NRG1: variants seen among roughly 807,000 people sequenced by gnomAD.
NRG1 encodes neuregulin 1, also known as pro-neuregulin-1, membrane-bound isoform.
In NRG1, 18 loss-of-function variants were observed where a neutral mutation model predicts 63.8. That is an observed-to-expected ratio of 0.28 (90% CI 0.19 to 0.42). The LOEUF (loss-of-function observed/expected upper bound fraction) is 0.42, where lower values mean the gene tolerates loss of function less well. Among genes scored for constraint, NRG1 ranks in the 10% least tolerant of loss-of-function variants. The pLI is 1.00. For missense variants in NRG1, 762 were observed against 814.7 expected, an observed-to-expected ratio of 0.94 and a Z score of 0.79; for synonymous variants, 302 against 301.3, an observed-to-expected ratio of 1.00 and a Z score of -0.02.
chr8:32,203,550 TG>T (rs1231159363), intron 1 of NRG1, among the ~76,000 whole-genome samples: 1 of 151,892 alleles, frequency 6.6e-6, no homozygotes, highest in Non-Finnish European at 1.5e-5. Flanking sequence ...TTAGTAGAGA[TG>T]GGATTTCACC....
At chr8:32,697,626 G>C (rs1455141327) in intron 5 of NRG1, among the ~76,000 whole-genome samples, 2 of 152,160 alleles carry the variant, frequency 1.3e-5, no homozygotes, top group African/African-American at 4.8e-5. Context: ...ATTAATTTTA[G>C]AGCCAGAAAG....
At chr8:32,325,478 C>T (rs758464936) in intron 1 of NRG1, among the ~76,000 whole-genome samples, 72 of 152,212 alleles carry the variant, frequency 4.7e-4, no homozygotes, top group Non-Finnish European at 6.6e-4. Flanking sequence ...AACTCTCAGG[C>T]TCAGGCCTTT....
chr8:32,556,386 GAGCAACT>G (rs1363824576), intron 1 of NRG1, among the ~76,000 whole-genome samples: 6 of 152,152 alleles, frequency 3.9e-5, no homozygotes, highest in African/African-American at 1.4e-4. Context: ...TAGAATGACA[GAGCAACT>G]AGCATTTTCC....
At chr8:31,851,498 G>A (rs899399619) in intron 1 of NRG1, among the ~76,000 whole-genome samples, 5 of 152,080 alleles carry the variant, frequency 3.3e-5, no homozygotes, top group African/African-American at 1.2e-4. Context: ...TACACTGAAA[G>A]GCATTTTATT....
intron 1 of NRG1, among the ~76,000 whole-genome samples, chr8:32,558,649 C>T (rs533760047): frequency 5.9e-5 from 9 of 152,112 alleles, no homozygotes; most frequent in African/African-American, 2.2e-4. Flanking sequence ...TGAGGCTCTT[C>T]TTGTCATTTT....
chr8:32,728,037 C>T (rs1231724318), exon 6 of NRG1: 1 of 1,614,066 alleles, frequency 6.2e-7, no homozygotes, highest in Admixed American at 1.7e-5. Flanking sequence ...GGGAGTGCTT[C>T]ATGGTGAAAG....
chr8:31,896,294 A>C lies in NRG1; in HGVS notation c.37+256863A>C, dbSNP rs115302950. 2.4e-3 allele frequency among the ~76,000 whole-genome samples: 367 copies of C among 152,340 alleles called. 3 individuals carry two copies. Among genetic ancestry groups the C allele is most frequent in the African/African-American group, 8.5e-3 (352 of 41,578 alleles). Reference sequence around the variant, plus strand: ...TGTGTGCTACCCACTTTCTGTGCAGAAATTTCAAGGAAAAGGAAATTAGGC... The same window carrying C: ...TGTGTGCTACCCACTTTCTGTGCAGCAATTTCAAGGAAAAGGAAATTAGGC... On this transcript the variant is annotated intron_variant, in intron 1 of 10. Transcript: ENST00000519301.
At chr8:32,675,665 T>C (rs1273600472) in intron 5 of NRG1, among the ~76,000 whole-genome samples, 1 of 152,204 alleles carries the variant, frequency 6.6e-6, no homozygotes, top group Non-Finnish European at 1.5e-5. Context: ...TTTTAAATGC[T>C]TGAGATTGGG....
chr8:32,073,872 T>G (rs1213090847), intron 1 of NRG1, among the ~76,000 whole-genome samples: 1 of 152,226 alleles, frequency 6.6e-6, no homozygotes, highest in African/African-American at 2.4e-5. Flanking sequence ...TCCTACCTCT[T>G]TGAATTGTCA....
intron 5 of NRG1, among the ~76,000 whole-genome samples, chr8:32,709,571 C>T (rs949067328): frequency 5.9e-5 from 9 of 151,876 alleles, no homozygotes; most frequent in South Asian, 2.1e-4. Flanking sequence ...CCACCATGCC[C>T]GGCTAATTTT....
intron 1 of NRG1, among the ~76,000 whole-genome samples, chr8:32,003,214 C>A (rs549211389): frequency 2.0e-5 from 3 of 152,096 alleles, no homozygotes; most frequent in South Asian, 4.2e-4. Context: ...ATATGTATTG[C>A]AAACTCTAAA....
chr8:32,662,594 AC>A (rs757630641), intron 5 of NRG1, among the ~76,000 whole-genome samples: 2 of 152,160 alleles, frequency 1.3e-5, no homozygotes, highest in African/African-American at 2.4e-5. Flanking sequence ...AAATAGTCGG[AC>A]CACTGAGGAG....
intron 1 of NRG1, among the ~76,000 whole-genome samples, chr8:31,907,925 G>A (rs980502025): frequency 6.6e-6 from 1 of 152,012 alleles, no homozygotes; most frequent in Non-Finnish European, 1.5e-5. Context: ...ACAGAGCTTT[G>A]TACATACGAA....
At chr8:32,007,211 G>A (rs1813920401) in intron 1 of NRG1, among the ~76,000 whole-genome samples, 1 of 151,944 alleles carries the variant, frequency 6.6e-6, no homozygotes, top group African/African-American at 2.4e-5. Context: ...CATTTGCTAA[G>A]GTAACACAGG....
intron 1 of NRG1, among the ~76,000 whole-genome samples, chr8:32,226,755 T>C (rs577486467): frequency 6.6e-6 from 1 of 152,276 alleles, no homozygotes; most frequent in Non-Finnish European, 1.5e-5. Flanking sequence ...AGAAATAATT[T>C]TGCATGCAAT....
At chr8:32,132,838 G>A (rs1042809850) in intron 1 of NRG1, among the ~76,000 whole-genome samples, 3 of 152,078 alleles carry the variant, frequency 2.0e-5, no homozygotes, top group African/African-American at 7.2e-5. Flanking sequence ...TAACGAAAAA[G>A]CAGTTTAATC....
At chr8:31,948,552 C>G (rs980368723) in intron 1 of NRG1, among the ~76,000 whole-genome samples, 1 of 152,168 alleles carries the variant, frequency 6.6e-6, no homozygotes, top group African/African-American at 2.4e-5. Context: ...GTTATATTTA[C>G]TGGACATGTT....
chr8:31,683,590 CTA>C (rs1808566343), intron 1 of NRG1, among the ~76,000 whole-genome samples: 1 of 152,084 alleles, frequency 6.6e-6, no homozygotes, highest in Non-Finnish European at 1.5e-5. Flanking sequence ...GGCGGTGAAA[CTA>C]TTTTTTATGA....
intron 1 of NRG1, among the ~76,000 whole-genome samples, chr8:32,525,728 G>A (rs527718680): frequency 6.6e-6 from 1 of 151,910 alleles, no homozygotes; most frequent in Admixed American, 6.6e-5. Flanking sequence ...ACCAACACCC[G>A]CCCCCTTTCC....
Sources: gnomAD v4.1 joint callset for allele counts (sites outside exome capture counted in the v4.1 genomes callset) on GRCh38, gnomAD v4.1.1 for gene constraint, MANE v1.5 for transcripts, NCBI Gene and HGNC (gene_info 2026-07-23, HGNC 2026-07-21) for gene names.